The following WWC2 variants were observed in gnomAD, a reference collection of about 807,000 sequenced individuals.
WWC2 encodes the protein protein WWC2.
A neutral mutation model predicts 138.5 loss-of-function variants in WWC2; 101 were observed. The ratio of observed to expected loss-of-function variants is 0.73; its 90% CI spans 0.62 to 0.86. WWC2 has a LOEUF of 0.86. WWC2 is among the 40% of genes least tolerant of loss of function. WWC2 has a pLI of 0.00. For missense variants in WWC2, 1,420 were observed against 1,419.4 expected, an observed-to-expected ratio of 1.00 and a Z score of -0.01; for synonymous variants, 558 against 538.4, an observed-to-expected ratio of 1.04 and a Z score of -0.50.
intron 1 of WWC2, among the ~76,000 whole-genome samples, chr4:183,169,439 T>A (rs1284923267): frequency 3.2e-3 from 1 of 308 alleles, no homozygotes; most frequent in African/African-American, 5.1e-3. Context: ...TTAAAATAAT[T>A]TTTTTTTTAT....
At chr4:183,111,724 C>T (rs936828716) in intron 1 of WWC2, among the ~76,000 whole-genome samples, 4 of 150,838 alleles carry the variant, frequency 2.7e-5, no homozygotes, top group Non-Finnish European at 5.9e-5. Flanking sequence ...TACCGGGTCT[C>T]ACTCTGTTGC....
intron 14 of WWC2, among the ~76,000 whole-genome samples, chr4:183,266,863 A>G (rs1353951581): frequency 1.3e-5 from 2 of 152,234 alleles, no homozygotes; most frequent in African/African-American, 4.8e-5. Flanking sequence ...TAGTGATAAG[A>G]CTTTTAATAG....
chr4:183,101,529 A>C (rs561037054), intron 1 of WWC2, among the ~76,000 whole-genome samples: 1 of 152,318 alleles, frequency 6.6e-6, no homozygotes, highest in East Asian at 1.9e-4. Flanking sequence ...ACGACTTACA[A>C]ATATTTCTGG....
Position 183,111,780 on chromosome 4 carries a change from A to G in WWC2, c.131+12158A>G, listed in dbSNP as rs544174419. On this transcript the variant is annotated intron_variant, in intron 1 of 22. Coordinates refer to ENST00000403733, the MANE Select transcript of WWC2 (RefSeq NM_024949.6). The stretch of plus-strand genomic sequence containing the variant: ...GTGATCATGGCTCGTTGCAGCCTCA[A>G]TCTCCCTGGGCTCAGGTGATCCTCC... Among the ~76,000 whole-genome samples, 7 of 151,496 alleles carry G rather than the reference A, an allele frequency of 4.6e-5. No individual in the cohort carries two copies. In the East Asian group the frequency reaches 7.8e-4, roughly 17 times the overall value.
chr4:183,256,960 G>A (rs1368116352), intron 9 of WWC2, among the ~76,000 whole-genome samples: 3 of 144,826 alleles, frequency 2.1e-5, no homozygotes, highest in African/African-American at 5.1e-5. Flanking sequence ...TGATGGCAGC[G>A]ACTGTGCTCG....
chr4:183,189,108 C>A (rs1228392877), intron 1 of WWC2, among the ~76,000 whole-genome samples: 1 of 151,766 alleles, frequency 6.6e-6, no homozygotes, highest in African/African-American at 2.4e-5. Flanking sequence ...TTGTTTGTTT[C>A]TTTGTGTTGC....
At chr4:183,210,451 C>CA (rs146810674) in intron 4 of WWC2, among the ~76,000 whole-genome samples, 2,538 of 152,060 alleles carry the variant, frequency 0.017, 61 homozygotes, top group African/African-American at 0.057. Context: ...GATTTTGTGA[C>CA]AAAAAATGGT....
intron 1 of WWC2, among the ~76,000 whole-genome samples, chr4:183,126,347 G>A (rs1287950223): frequency 2.6e-5 from 4 of 152,182 alleles, no homozygotes; most frequent in Non-Finnish European, 2.9e-5. Context: ...TGTTGCTAAA[G>A]CCAGTCCTCT....
intron 8 of WWC2, among the ~76,000 whole-genome samples, chr4:183,253,531 G>A (rs1311011942): frequency 6.6e-6 from 1 of 152,046 alleles, no homozygotes; most frequent in Non-Finnish European, 1.5e-5. Context: ...TTTTAAAGAT[G>A]GGGGAAAGAA....
chr4:183,289,701 A>G, intron 21 of WWC2, 66 bp downstream of exon 21: 1 of 1,569,450 alleles, frequency 6.4e-7, no homozygotes, highest in Admixed American at 1.9e-5. Flanking sequence ...GCCATGTAGA[A>G]GGTACCCAAC....
intron 6 of WWC2, among the ~76,000 whole-genome samples, chr4:183,248,163 A>G (rs989228471): frequency 6.6e-6 from 1 of 152,152 alleles, no homozygotes; most frequent in African/African-American, 2.4e-5. Context: ...AGACACACAG[A>G]TGGGCTTGTT....
intron 2 of WWC2, among the ~76,000 whole-genome samples, 183 bp downstream of exon 2, chr4:183,193,891 G>A (rs961841833): frequency 5.3e-5 from 8 of 152,258 alleles, no homozygotes; most frequent in Admixed American, 3.9e-4. Context: ...TGTCCTTATG[G>A]GGGCGGAGAG....
At chr4:183,309,866 G>A (rs572700699) in intron 21 of WWC2, among the ~76,000 whole-genome samples, 94 of 152,238 alleles carry the variant, frequency 6.2e-4, no homozygotes, top group African/African-American at 2.3e-3. Flanking sequence ...CCAGACAATG[G>A]AATACTCTTC....
chr4:183,152,137 C>G (rs1733650600), intron 1 of WWC2, among the ~76,000 whole-genome samples: 2 of 152,032 alleles, frequency 1.3e-5, no homozygotes, highest in Admixed American at 1.3e-4. Flanking sequence ...GTCCTTGTTT[C>G]TCGTAAGAAA....
intron 7 of WWC2, 105 bp from the exon 8 acceptor site, chr4:183,249,815 A>T: frequency 1.1e-6 from 1 of 885,624 alleles, no homozygotes; most frequent in Non-Finnish European, 1.7e-6. Context: ...TTTCAGTACC[A>T]TCTTCTTTAA....
At chr4:183,253,628 A>G (rs1424865774) in intron 8 of WWC2, 129 bp from the exon 9 acceptor site, 1 of 1,123,396 alleles carries the variant, frequency 8.9e-7, no homozygotes, top group African/African-American at 1.6e-5. Flanking sequence ...AGTAGACCAC[A>G]CCTCTTTCTG....
intron 4 of WWC2, among the ~76,000 whole-genome samples, chr4:183,218,270 A>T (rs1234764005): frequency 6.6e-6 from 1 of 152,162 alleles, no homozygotes; most frequent in African/African-American, 2.4e-5. Flanking sequence ...GATGATAAAC[A>T]TCACTAGTCA....
chr4:183,142,212 C>A (rs1383533628), intron 1 of WWC2, among the ~76,000 whole-genome samples: 3 of 152,166 alleles, frequency 2.0e-5, no homozygotes, highest in Admixed American at 6.6e-5. Context: ...AAGGGTGACA[C>A]CCCCTGGTTC....
chr4:183,276,066 G>A (rs1304028005), intron 16 of WWC2, among the ~76,000 whole-genome samples: 1 of 151,976 alleles, frequency 6.6e-6, no homozygotes, highest in Non-Finnish European at 1.5e-5. Context: ...ATTATAAAAT[G>A]TTCCTTTTTA....
Sources: gnomAD v4.1 joint callset for allele counts (sites outside exome capture counted in the v4.1 genomes callset) on GRCh38, gnomAD v4.1.1 for gene constraint, MANE v1.5 for transcripts, NCBI Gene and HGNC (gene_info 2026-07-23, HGNC 2026-07-21) for gene names.